Variants in ROBO2 observed in about 807,000 individuals in gnomAD.
ROBO2 encodes the protein roundabout homolog 2.
Under a neutral mutation model 160.8 loss-of-function variants are expected in ROBO2, and 53 were observed. The observed-to-expected ratio is 0.33, with a 90% CI of 0.26 to 0.41. ROBO2 has a LOEUF of 0.41. ROBO2 is among the 10% of genes least tolerant of loss of function. The pLI is 1.00. For missense variants in ROBO2, 1,577 were observed against 1,722.4 expected, an observed-to-expected ratio of 0.92 and a Z score of 1.49; for synonymous variants, 664 against 611.7, an observed-to-expected ratio of 1.09 and a Z score of -1.26.
At chr3:77,429,910 G>A (rs1474328324) in intron 2 of ROBO2, among the ~76,000 whole-genome samples, 1 of 152,086 alleles carries the variant, frequency 6.6e-6, no homozygotes, top group East Asian at 1.9e-4. Flanking sequence ...GAGAGAATCT[G>A]GATCAACATG....
At chr3:76,782,859 T>G (rs11927881) in intron 2 of ROBO2, among the ~76,000 whole-genome samples, 1,650 of 150,910 alleles carry the variant, frequency 0.011, 31 homozygotes, top group African/African-American at 0.037. Context: ...CCATTTGCAT[T>G]TGTAGTAATT....
intron 2 of ROBO2, chr3:76,435,063 A>G (rs2076609002): frequency 9.0e-7 from 1 of 1,110,646 alleles, no homozygotes; most frequent in African/African-American, 1.5e-5. Context: ...TTACATATAC[A>G]AGTGTGTCAA....
intron 2 of ROBO2, among the ~76,000 whole-genome samples, chr3:77,167,206 G>A (rs1223045133): frequency 1.3e-5 from 2 of 151,524 alleles, no homozygotes; most frequent in African/African-American, 4.9e-5. Context: ...CATTGTATTT[G>A]GCCATGTTAC....
rs2062541916 is a variant in ROBO2, at chr3:77,020,183, A to G, written c.110-77831A>G. On this transcript the variant is annotated intron_variant, in intron 2 of 26. Coordinates refer to the ROBO2 transcript ENST00000487694. ...TTTTGAGAAAATACTTTAGAAATTCACCTCACCCTATACTAAAATAGAAAA... is the reference window on the plus strand; with the variant it reads ...TTTTGAGAAAATACTTTAGAAATTCGCCTCACCCTATACTAAAATAGAAAA... Among the ~76,000 whole-genome samples, 2 of 152,206 alleles carry G rather than the reference A, an allele frequency of 1.3e-5. 1 individual carries two copies. The highest frequency in any genetic ancestry group is 4.1e-4 in the South Asian group (2 of 4,836).
chr3:77,078,073 TA>T (rs1389694800), intron 1 of ROBO2, among the ~76,000 whole-genome samples: 6 of 152,290 alleles, frequency 3.9e-5, no homozygotes, highest in Non-Finnish European at 5.9e-5. Flanking sequence ...AAGAGCCAAT[TA>T]AAAGTAATTT....
chr3:77,019,559 G>A lies in ROBO2; in HGVS notation c.110-78455G>A, dbSNP rs116458925. 4.1e-3 allele frequency among the ~76,000 whole-genome samples: 627 copies of A among 152,220 alleles called. 6 individuals carry two copies. The highest frequency in any genetic ancestry group is 0.014 in the African/African-American group (586 of 41,548). ...GACATAAGAAAATTCTTCATGAGCC[G>A]ATGGGCCTTGAATGGAATGAAAGGG... On this transcript the variant is annotated intron_variant, in intron 2 of 26. Coordinates refer to the ROBO2 transcript ENST00000487694.
intron 2 of ROBO2, among the ~76,000 whole-genome samples, chr3:77,329,090 A>G (rs2065732260): frequency 1.3e-5 from 2 of 152,334 alleles, no homozygotes; most frequent in East Asian, 1.9e-4. Flanking sequence ...TAATTCCTGA[A>G]CAGAGTTTAA....
At chr3:76,655,146 C>A (rs967834860) in intron 2 of ROBO2, among the ~76,000 whole-genome samples, 1 of 149,964 alleles carries the variant, frequency 6.7e-6, no homozygotes, top group Non-Finnish European at 1.5e-5. Context: ...GCAAGAATTT[C>A]TCCTATTAAT....
chr3:76,467,472 G>A (rs2078424035), intron 2 of ROBO2, among the ~76,000 whole-genome samples: 1 of 152,094 alleles, frequency 6.6e-6, no homozygotes, highest in Non-Finnish European at 1.5e-5. Context: ...AATATTTTAT[G>A]TGTTTCCTAT....
At chr3:76,520,957 ATT>A (rs2081580087) in intron 2 of ROBO2, among the ~76,000 whole-genome samples, 1 of 150,936 alleles carries the variant, frequency 6.6e-6, no homozygotes, top group African/African-American at 2.4e-5. Flanking sequence ...TCTCTTCTTC[ATT>A]TATTACTATT....
chr3:77,065,939 C>T (rs549760863), intron 1 of ROBO2, among the ~76,000 whole-genome samples: 40 of 152,164 alleles, frequency 2.6e-4, no homozygotes, highest in African/African-American at 9.2e-4. Flanking sequence ...GCAAAATTGG[C>T]GTAATTGGCA....
chr3:76,529,726 G>A (rs1448472702), intron 2 of ROBO2, among the ~76,000 whole-genome samples: 2 of 152,230 alleles, frequency 1.3e-5, no homozygotes, highest in South Asian at 4.1e-4. Flanking sequence ...AGATATCAGT[G>A]GGTTTCTAGA....
intron 2 of ROBO2, among the ~76,000 whole-genome samples, chr3:76,844,281 C>G (rs1022492274): frequency 2.0e-5 from 3 of 151,914 alleles, no homozygotes; most frequent in African/African-American, 7.2e-5. Flanking sequence ...TGCAATCTTC[C>G]TGAACAGATT....
chr3:76,563,899 G>A (rs1308502579), intron 2 of ROBO2, among the ~76,000 whole-genome samples: 2 of 152,194 alleles, frequency 1.3e-5, no homozygotes, highest in Non-Finnish European at 2.9e-5. Context: ...TAAACAAGCA[G>A]TTCTTTGTTT....
intron 2 of ROBO2, among the ~76,000 whole-genome samples, chr3:76,451,415 A>G (rs991187138): frequency 6.6e-6 from 1 of 152,150 alleles, no homozygotes; most frequent in Non-Finnish European, 1.5e-5. Flanking sequence ...TTTCCTAGAA[A>G]ATCTTATCAT....
At chr3:77,029,636 A>G (rs981722391) in intron 2 of ROBO2, among the ~76,000 whole-genome samples, 4 of 152,196 alleles carry the variant, frequency 2.6e-5, no homozygotes, top group Non-Finnish European at 4.4e-5. Context: ...ATTTTCACAT[A>G]GAGACTATAG....
At chr3:76,833,070 G>A (rs895508893) in intron 2 of ROBO2, among the ~76,000 whole-genome samples, 3 of 151,844 alleles carry the variant, frequency 2.0e-5, no homozygotes, top group Admixed American at 2.0e-4. Flanking sequence ...AAGAGACTTG[G>A]CCAAAGTCAG....
chr3:76,798,259 GGAAAGAAAGAAAGAAAGAAAGAAAGAAA>G lies in ROBO2; in HGVS notation c.110-299726_110-299699del, dbSNP rs71104619. 4.2e-5 allele frequency among the ~76,000 whole-genome samples: 4 copies of G among 94,284 alleles called. No individual in the cohort carries two copies. In the East Asian group the frequency reaches 9.8e-4, roughly 23 times the overall value. 61.9% of individuals were successfully genotyped at this position (94,284 alleles called of 152,430 possible). ...AAAGAAAAAAAGAAGAAAGAAAGAA[GGAAAGAAAGAAAGAAAGAAAGAAAGAAA>G]GAAAGAAAGAAAGAAAGAAAGAAAG... On this transcript the variant is annotated intron_variant, in intron 2 of 26. Transcript: ENST00000487694.
intron 2 of ROBO2, among the ~76,000 whole-genome samples, chr3:76,802,456 C>T (rs897772746): frequency 3.3e-5 from 5 of 151,860 alleles, no homozygotes; most frequent in African/African-American, 4.8e-5. Context: ...AGGCCGGGCG[C>T]GGTGGCTCAC....
Sources: allele counts gnomAD v4.1 joint callset (sites outside exome capture counted in the v4.1 genomes callset), GRCh38; gene constraint gnomAD v4.1.1; transcripts MANE v1.5; gene names NCBI Gene and HGNC (gene_info 2026-07-23, HGNC 2026-07-21).